GPC3: variants seen among roughly 807,000 people sequenced by gnomAD.
GPC3 encodes the protein glypican-3.
In GPC3, 3 loss-of-function variants were observed where a neutral mutation model predicts 34.4. That is an observed-to-expected ratio of 0.09 (90% CI 0.04 to 0.23). GPC3 has a LOEUF of 0.23. Among genes scored for constraint, GPC3 ranks in the 10% least tolerant of loss-of-function variants. The probability of loss-of-function intolerance (pLI) is 1.00; values close to 1 mark genes in which losing one functional copy is unlikely to be tolerated. For missense variants in GPC3, 351 were observed against 445.6 expected (o/e 0.79, Z 1.91); for synonymous variants, 177 against 174.0 (o/e 1.02, Z -0.13).
At chrX:133,831,662 G>A (rs891839068) in intron 2 of GPC3, among the ~76,000 whole-genome samples, 22 of 111,642 alleles carry the variant, frequency 2.0e-4, no homozygotes, top group African/African-American at 7.2e-4. Flanking sequence ...CCCAGGAGGC[G>A]GAGGTTGCGA....
intron 4 of GPC3, among the ~76,000 whole-genome samples, chrX:133,699,448 C>G (rs1328091954): frequency 1.8e-5 from 2 of 111,733 alleles, no homozygotes; most frequent in African/African-American, 3.3e-5. Context: ...GGAACCAGAT[C>G]CTTCATTTTA....
chrX:133,650,614 A>G (rs768818320), intron 6 of GPC3, among the ~76,000 whole-genome samples: 38 of 111,577 alleles, frequency 3.4e-4, no homozygotes, highest in Non-Finnish European at 6.4e-4. Context: ...TTAGATTATT[A>G]TATTTAGAAT....
intron 2 of GPC3, among the ~76,000 whole-genome samples, chrX:133,818,082 A>C (rs2075701188): frequency 9.0e-6 from 1 of 111,583 alleles, no homozygotes; most frequent in South Asian, 3.8e-4. Context: ...CATTGGATTT[A>C]CAATATATAA....
At chrX:133,586,927 C>T (rs2069793694) in intron 7 of GPC3, among the ~76,000 whole-genome samples, 1 of 111,615 alleles carries the variant, frequency 9.0e-6, no homozygotes, top group African/African-American at 3.3e-5. Context: ...TTAGCACATC[C>T]ATCATCTCAA....
chrX:133,572,122 G>T (rs1026409512), intron 7 of GPC3, among the ~76,000 whole-genome samples: 3 of 111,509 alleles, frequency 2.7e-5, no homozygotes, highest in Non-Finnish European at 5.6e-5. Flanking sequence ...AATTAAAAAT[G>T]ATGGAAATCA....
At chrX:133,733,842 C>T (rs192019613) in intron 3 of GPC3, among the ~76,000 whole-genome samples, 1 of 111,524 alleles carries the variant, frequency 9.0e-6, no homozygotes, top group Admixed American at 9.5e-5. Context: ...AAAACTGACT[C>T]AGGAAGAAAT....
intron 6 of GPC3, among the ~76,000 whole-genome samples, chrX:133,601,854 T>C (rs2069985359): frequency 8.9e-6 from 1 of 111,786 alleles, no homozygotes; most frequent in Non-Finnish European, 1.9e-5. Context: ...GAAAATAATA[T>C]GGAGGTTTCT....
At chrX:133,650,068 G>A (rs190328757) in intron 6 of GPC3, among the ~76,000 whole-genome samples, 40 of 111,996 alleles carry the variant, frequency 3.6e-4, no homozygotes, top group African/African-American at 1.3e-3. Flanking sequence ...GTTGGCATGT[G>A]AAATACACAC....
At chrX:133,659,274 T>C (rs1378854475) in intron 6 of GPC3, among the ~76,000 whole-genome samples, 2 of 112,498 alleles carry the variant, frequency 1.8e-5, no homozygotes, top group Admixed American at 9.4e-5. Flanking sequence ...CCAAATTCTT[T>C]CTACTGTGCC....
At position 133,536,261 on chromosome X, in the gene GPC3, G is replaced by T. The variant is rs1427990155; in HGVS notation, c.1606C>A (p.Pro536Thr). 8.3e-7 allele frequency: 1 copy of T among 1,206,388 alleles called. No homozygotes were observed. The highest frequency in any genetic ancestry group is 3.0e-5 in the East Asian group (1 of 33,794). ...LAYDLDVDDA[P>T]GNSQQATPKD... ...GGAGTTGCCTGCTGACTGTTTCCAG[G>T]CGCATCATCCACATCCAGATCATAG... The change falls in exon 8 of 8, where the codon CCT (proline) becomes ACT (threonine). Residue 536 changes from proline (P) to threonine (T), a missense_variant. Coordinates refer to ENST00000370818, the MANE Select transcript of GPC3 (RefSeq NM_004484.4).
intron 3 of GPC3, among the ~76,000 whole-genome samples, chrX:133,727,906 G>C (rs1466167835): frequency 1.8e-5 from 2 of 112,358 alleles, no homozygotes; most frequent in Non-Finnish European, 3.8e-5. Context: ...AACAGCATGA[G>C]AAATAGTTAA....
intron 2 of GPC3, among the ~76,000 whole-genome samples, chrX:133,906,120 GAT>G (rs2076166626): frequency 9.0e-6 from 1 of 111,678 alleles, no homozygotes; most frequent in South Asian, 3.8e-4. Flanking sequence ...CTAGAATGCT[GAT>G]ACCCACAACA....
At chrX:133,842,323 A>AAAT (rs1171595090) in intron 2 of GPC3, among the ~76,000 whole-genome samples, 4 of 107,022 alleles carry the variant, frequency 3.7e-5, no homozygotes, top group Non-Finnish European at 7.6e-5. Context: ...CTCAAAAAAA[A>AAAT]AATAATAATA....
intron 2 of GPC3, among the ~76,000 whole-genome samples, chrX:133,832,326 C>T (rs774311520): frequency 1.7e-4 from 19 of 109,022 alleles, no homozygotes; most frequent in South Asian, 4.1e-4. Context: ...AGCTTACTAC[C>T]GGTGAGGCTG....
chrX:133,786,943 A>G (rs1202266861), intron 2 of GPC3, among the ~76,000 whole-genome samples: 1 of 111,650 alleles, frequency 9.0e-6, no homozygotes, highest in Non-Finnish European at 1.9e-5. Flanking sequence ...TTATAACTGC[A>G]CACATAGTTG....
At chrX:133,630,657 G>A (rs1170340637) in intron 6 of GPC3, among the ~76,000 whole-genome samples, 1 of 111,610 alleles carries the variant, frequency 9.0e-6, no homozygotes, top group Non-Finnish European at 1.9e-5. Flanking sequence ...CAGGCAGGCC[G>A]AATATTTGGC....
At chrX:133,625,764 C>T in intron 6 of GPC3, among the ~76,000 whole-genome samples, 1 of 111,774 alleles carries the variant, frequency 8.9e-6, no homozygotes, top group East Asian at 2.8e-4. Flanking sequence ...GATTCAATGC[C>T]ATCCCCATCA....
At chrX:133,959,458 T>C (rs1176580588) in intron 1 of GPC3, among the ~76,000 whole-genome samples, 5 of 112,243 alleles carry the variant, frequency 4.5e-5, no homozygotes, top group East Asian at 2.8e-4. Flanking sequence ...TCAGCATTAA[T>C]GGCTTCGAGG....
chrX:133,589,990 TA>T (rs1376584299), intron 7 of GPC3, among the ~76,000 whole-genome samples: 1 of 111,101 alleles, frequency 9.0e-6, no homozygotes, highest in Non-Finnish European at 1.9e-5. Flanking sequence ...GTGGGGCTTT[TA>T]GGAGGTGATT....
Sources: gnomAD v4.1 joint callset for allele counts (sites outside exome capture counted in the v4.1 genomes callset) on GRCh38, gnomAD v4.1.1 for gene constraint, MANE v1.5 for transcripts, NCBI Gene and HGNC (gene_info 2026-07-23, HGNC 2026-07-21) for gene names.